COBLL1: variants seen among roughly 807,000 people sequenced by gnomAD.
COBLL1 encodes cordon-bleu WH2 repeat protein like 1, also known as cordon-bleu protein-like 1.
In COBLL1, 50 loss-of-function variants were observed where a neutral mutation model predicts 94.8. The observed-to-expected ratio is 0.53, with a 90% CI of 0.42 to 0.67. The LOEUF (loss-of-function observed/expected upper bound fraction) is 0.67, where lower values mean the gene tolerates loss of function less well. Among genes scored for constraint, COBLL1 ranks in the 30% least tolerant of loss-of-function variants. COBLL1 has a pLI of 0.00. For synonymous variants in COBLL1, 448 were observed against 473.8 expected, an observed-to-expected ratio of 0.95 and a Z score of 0.71; for missense variants, 1,362 against 1,348.7, an observed-to-expected ratio of 1.01 and a Z score of -0.15.
chr2:164,717,546 A>AT (rs34607534), intron 7 of COBLL1, among the ~76,000 whole-genome samples: 2 of 152,084 alleles, frequency 1.3e-5, no homozygotes, highest in Admixed American at 6.6e-5. Context: ...CATTTTTACT[A>AT]TTTTAAAATT....
In COBLL1 at chr2:164,743,843, G is replaced by A; in HGVS notation, c.74C>T (p.Pro25Leu). 1.9e-6 allele frequency: 3 copies of A among 1,577,614 alleles called. No individual in the cohort carries two copies. The highest frequency in any genetic ancestry group is 2.3e-5 in the East Asian group (1 of 43,948). The change falls in exon 3 of 14, where the codon CCA (proline) becomes CTA (leucine). Residue 25 changes from proline to leucine, a missense_variant. By Grantham distance (98) the Pro-to-Leu change is moderately conservative. Coordinates refer to ENST00000652658, the MANE Select transcript of COBLL1 (RefSeq NM_001365672.2). ...RKPKAKAPLP[P>L]AETKYTDVSS... is the part of the protein sequence containing the mutation. ...GACATCAGTATATTTGGTCTCAGCT[G>A]GAGGAAGTGGTGCCTTGGCTTTTGG...
intron 5 of COBLL1, chr2:164,727,088 C>G (rs1685754822): frequency 7.3e-7 from 1 of 1,373,734 alleles, no homozygotes; most frequent in Admixed American, 2.2e-5. Context: ...TTTGTTTCTA[C>G]TGATTCATAC....
chr2:164,752,203 T>C (rs577951906), intron 2 of COBLL1, among the ~76,000 whole-genome samples: 1 of 152,326 alleles, frequency 6.6e-6, no homozygotes, highest in East Asian at 1.9e-4. Flanking sequence ...GTTTTTTACC[T>C]GCACTAACTC....
chr2:164,674,499 T>A (rs1475933597), intron 1 of COBLL1, among the ~76,000 whole-genome samples: 1 of 152,206 alleles, frequency 6.6e-6, no homozygotes, highest in Non-Finnish European at 1.5e-5. Flanking sequence ...AGATATGTAA[T>A]CTTGGATAAC....
chr2:164,779,424 G>T (rs1688632745), intron 2 of COBLL1, among the ~76,000 whole-genome samples: 1 of 152,048 alleles, frequency 6.6e-6, no homozygotes, highest in Non-Finnish European at 1.5e-5. Flanking sequence ...GAAGTTCCTT[G>T]CTCCCTTCAG....
intron 2 of COBLL1, among the ~76,000 whole-genome samples, chr2:164,817,484 GCA>G (rs1385433447): frequency 3.3e-5 from 5 of 151,780 alleles, no homozygotes; most frequent in Non-Finnish European, 5.9e-5. Flanking sequence ...TGAAGAACTT[GCA>G]CAGTTTCACC....
chr2:164,727,236 A>G, intron 5 of COBLL1: 2 of 630,728 alleles, frequency 3.2e-6, no homozygotes, highest in Admixed American at 3.1e-5. Flanking sequence ...AAAGTAGTCT[A>G]TGGATTACAT....
rs1185586219 is a variant in COBLL1, at chr2:164,694,430, A to C, written c.2962T>G (p.Phe988Val). 1 of 1,613,856 alleles carries C rather than the reference A, an allele frequency of 6.2e-7. No homozygotes were observed. The highest frequency in any genetic ancestry group is 8.5e-7 in the Non-Finnish European group (1 of 1,179,952). Reference protein sequence around the residue: ...RPYSSSGPSPFALAVVKRSQS... With the variant: ...RPYSSSGPSPVALAVVKRSQS... ...GACCTTTTCACTACAGCAAGAGCAAACGGTGAAGGACCAGAACTTGAGTAT... is the reference window on the plus strand; with the variant it reads ...GACCTTTTCACTACAGCAAGAGCAACCGGTGAAGGACCAGAACTTGAGTAT... Residue 988 changes from phenylalanine to valine, a missense_variant, in exon 12 of 14, where the codon TTT becomes GTT. Physicochemically the swap from Phe to Val is conservative, Grantham distance 50. Coordinates refer to ENST00000652658, the MANE Select transcript of COBLL1 (RefSeq NM_001365672.2).
At chr2:164,762,787 C>A (rs936812075) in intron 2 of COBLL1, among the ~76,000 whole-genome samples, 5 of 151,352 alleles carry the variant, frequency 3.3e-5, no homozygotes, top group Admixed American at 3.3e-4. Flanking sequence ...AGCTCCGCCT[C>A]CAGGGTTCAG....
At chr2:164,761,074 T>C (rs1687659655) in intron 2 of COBLL1, among the ~76,000 whole-genome samples, 1 of 152,138 alleles carries the variant, frequency 6.6e-6, no homozygotes, top group Non-Finnish European at 1.5e-5. Flanking sequence ...CTGTCACAGA[T>C]ACAGCAAAAG....
At chr2:164,766,385 TG>T (rs1388516166) in intron 2 of COBLL1, among the ~76,000 whole-genome samples, 1 of 152,156 alleles carries the variant, frequency 6.6e-6, no homozygotes, top group Non-Finnish European at 1.5e-5. Flanking sequence ...GACTGAATCA[TG>T]GGGGTGGATT....
chr2:164,666,386 A>T (rs956745144), intron 1 of COBLL1, among the ~76,000 whole-genome samples: 2 of 152,244 alleles, frequency 1.3e-5, no homozygotes, highest in Non-Finnish European at 2.9e-5. Flanking sequence ...GCTAACGATC[A>T]TCTGAATCTT....
At chr2:164,816,501 C>G (rs1002976953) in intron 2 of COBLL1, among the ~76,000 whole-genome samples, 4 of 152,070 alleles carry the variant, frequency 2.6e-5, no homozygotes, top group Non-Finnish European at 4.4e-5. Flanking sequence ...GGAAATAACC[C>G]TGCAGTGTAT....
intron 2 of COBLL1, among the ~76,000 whole-genome samples, chr2:164,797,071 T>C (rs754944723): frequency 6.6e-6 from 1 of 152,218 alleles, no homozygotes; most frequent in Non-Finnish European, 1.5e-5. Context: ...TGGTATTGCC[T>C]ATAAAGTTTC....
intron 2 of COBLL1, among the ~76,000 whole-genome samples, chr2:164,745,773 A>G (rs770591557): frequency 6.6e-6 from 1 of 152,192 alleles, no homozygotes; most frequent in Non-Finnish European, 1.5e-5. Context: ...AATAACTGAT[A>G]TTTTTGGCAG....
intron 9 of COBLL1, among the ~76,000 whole-genome samples, chr2:164,704,116 T>C (rs1684458619): frequency 6.6e-6 from 1 of 152,160 alleles, no homozygotes; most frequent in Non-Finnish European, 1.5e-5. Flanking sequence ...CCAAGGTACA[T>C]TCCTAATTAC....
intron 3 of COBLL1, among the ~76,000 whole-genome samples, chr2:164,735,005 T>C (rs1044928331): frequency 6.6e-6 from 1 of 152,156 alleles, no homozygotes; most frequent in Non-Finnish European, 1.5e-5. Context: ...TAAAGGGCAT[T>C]GAACCTTCCA....
intron 2 of COBLL1, among the ~76,000 whole-genome samples, chr2:164,762,700 T>C (rs530153346): frequency 6.7e-6 from 1 of 150,374 alleles, no homozygotes; most frequent in Non-Finnish European, 1.5e-5. Flanking sequence ...ATCATCCTTT[T>C]TTTTTTTTTT....
At chr2:164,838,341 G>A (rs1683420205) in intron 2 of COBLL1, among the ~76,000 whole-genome samples, 1 of 152,030 alleles carries the variant, frequency 6.6e-6, no homozygotes, top group Admixed American at 6.6e-5. Flanking sequence ...CAGCTGAGAG[G>A]CCATAAAACA....
Sources: gnomAD v4.1 joint callset for allele counts (sites outside exome capture counted in the v4.1 genomes callset) on GRCh38, gnomAD v4.1.1 for gene constraint, MANE v1.5 for transcripts, NCBI Gene and HGNC (gene_info 2026-07-23, HGNC 2026-07-21) for gene names.